Variants in PHKB observed in about 807,000 individuals in gnomAD.
The protein encoded by PHKB is phosphorylase b kinase regulatory subunit beta.
Under a neutral mutation model 152.1 loss-of-function variants are expected in PHKB, and 122 were observed. That is an observed-to-expected ratio of 0.80 (90% CI 0.69 to 0.93). The LOEUF (loss-of-function observed/expected upper bound fraction) is 0.93, where lower values mean the gene tolerates loss of function less well. Among genes scored for constraint, PHKB ranks in the 40% least tolerant of loss-of-function variants. PHKB has a pLI of 0.00. For missense variants in PHKB, 1,304 were observed against 1,328.4 expected, an observed-to-expected ratio of 0.98 and a Z score of 0.29; for synonymous variants, 436 against 464.9, an observed-to-expected ratio of 0.94 and a Z score of 0.80.
At chr16:47,559,631 A>G (rs995537362) in intron 7 of PHKB, among the ~76,000 whole-genome samples, 5 of 152,128 alleles carry the variant, frequency 3.3e-5, no homozygotes, top group Non-Finnish European at 7.3e-5. Context: ...AAGTTTTTCC[A>G]TATAGGCTTC....
In PHKB at chr16:47,507,014, C is replaced by A. The variant is rs186993791; in HGVS notation, c.405+3924C>A. ...TTTGAGACAAGGTCTCTCTGGGTCA[C>A]CCAGGCTTGAATGCAGTGGTGTAAT... is the stretch of plus-strand genomic sequence containing the variant. On this transcript the variant is annotated intron_variant, in intron 4 of 30. Coordinates refer to ENST00000323584, the MANE Select transcript of PHKB (RefSeq NM_000293.3). Among the ~76,000 whole-genome samples the A allele has an allele frequency of 4.1e-3, 631 of 152,226 alleles. 6 individuals are homozygous for A. The highest frequency in any genetic ancestry group is 0.014 in the African/African-American group (602 of 41,518).
At chr16:47,494,956 A>G (rs1165533316) in intron 1 of PHKB, among the ~76,000 whole-genome samples, 1 of 152,198 alleles carries the variant, frequency 6.6e-6, no homozygotes, top group African/African-American at 2.4e-5. Flanking sequence ...AATTTTATGT[A>G]GTTACTTTAG....
chr16:47,641,113 G>A (rs567521668), intron 15 of PHKB, 23 bp downstream of exon 15: 16 of 1,594,924 alleles, frequency 1.0e-5, no homozygotes, highest in Non-Finnish European at 1.3e-5. Context: ...AGTGGGTGGT[G>A]TGTTTTTTTG....
At chr16:47,622,846 A>C (rs950212393) in intron 14 of PHKB, among the ~76,000 whole-genome samples, 1 of 152,232 alleles carries the variant, frequency 6.6e-6, no homozygotes, top group Non-Finnish European at 1.5e-5. Context: ...CATATAGTAC[A>C]CTTGGTCTCT....
In PHKB at chr16:47,543,319, A is replaced by G. The variant is rs185110356; in HGVS notation, c.595-4114A>G. 6.6e-5 allele frequency among the ~76,000 whole-genome samples: 10 copies of G among 152,272 alleles called. No homozygotes were observed. The East Asian group carries it at 1.4e-3, about 21-fold the overall frequency. ...TGGATACGTTTAATGATTCACATGT[A>G]TTGAACCAGCCTTGCATCCCAGGGA... On this transcript the variant is annotated intron_variant, in intron 6 of 30. Transcript: ENST00000323584.
At chr16:47,494,269 A>C (rs1970197482) in intron 1 of PHKB, among the ~76,000 whole-genome samples, 1 of 152,224 alleles carries the variant, frequency 6.6e-6, no homozygotes, top group Non-Finnish European at 1.5e-5. Context: ...ATCTATGTGG[A>C]AGCATAGATA....
chr16:47,543,892 A>T (rs905728981), intron 6 of PHKB, among the ~76,000 whole-genome samples: 1 of 151,982 alleles, frequency 6.6e-6, no homozygotes, highest in Non-Finnish European at 1.5e-5. Flanking sequence ...TCTATTTTTT[A>T]CATCTATGTA....
chr16:47,676,942 C>T (rs1229027662), intron 26 of PHKB, among the ~76,000 whole-genome samples: 1 of 152,242 alleles, frequency 6.6e-6, no homozygotes, highest in Non-Finnish European at 1.5e-5. Context: ...CTCTGCTTTT[C>T]ATACTGCCAG....
chr16:47,543,173 C>CT (rs1971093426), intron 6 of PHKB, among the ~76,000 whole-genome samples: 1 of 152,118 alleles, frequency 6.6e-6, no homozygotes, highest in Non-Finnish European at 1.5e-5. Context: ...GAGATACATT[C>CT]CATCAATACC....
chr16:47,487,428 TA>T (rs1555470435), intron 1 of PHKB, among the ~76,000 whole-genome samples: 5,339 of 144,582 alleles, frequency 0.037, 315 homozygotes, highest in Admixed American at 0.16. Flanking sequence ...TATATATATA[TA>T]TTTTTTTTTT....
intron 7 of PHKB, chr16:47,566,193 T>G (rs1195725845): frequency 3.2e-5 from 23 of 716,740 alleles, no homozygotes; most frequent in Non-Finnish European, 7.6e-6. Flanking sequence ...CCAATACTCA[T>G]CACAATACCA....
intron 14 of PHKB, 78 bp downstream of exon 14, chr16:47,610,998 G>T: frequency 1.1e-6 from 1 of 888,046 alleles, no homozygotes; most frequent in Non-Finnish European, 1.9e-6. Context: ...TTTTTGTTCT[G>T]AATAGGTTTT....
intron 14 of PHKB, among the ~76,000 whole-genome samples, chr16:47,625,693 A>G (rs893966290): frequency 6.6e-6 from 1 of 152,030 alleles, no homozygotes; most frequent in Non-Finnish European, 1.5e-5. Flanking sequence ...CTAATATATT[A>G]CCCTTTACTT....
At chr16:47,547,125 A>C (rs770492360) in intron 6 of PHKB, among the ~76,000 whole-genome samples, 1 of 152,118 alleles carries the variant, frequency 6.6e-6, no homozygotes, top group African/African-American at 2.4e-5. Flanking sequence ...CTGTCCGACT[A>C]TTCCCAATGA....
Position 47,665,356 on chromosome 16 carries a change from A to T in PHKB, c.2427+381A>T, listed in dbSNP as rs370458137. 4.2e-5 allele frequency: 10 copies of T among 239,326 alleles called. No individual in the cohort carries two copies. The East Asian group carries it at 6.8e-4, about 16-fold the overall frequency. The allele number at this position is 239,326 out of a possible 1,614,324, so 14.8% of individuals were successfully genotyped here. ...TAAAAAAAAAAAATCTGTTCTCCCT[A>T]GGTTCTAAGACTTTTTCAGTAATAT... On this transcript the variant is annotated intron_variant, in intron 25 of 30. Transcript: ENST00000323584.
chr16:47,502,911 T>G (rs1156446645), intron 3 of PHKB, 80 bp from the exon 4 acceptor site: 10 of 881,470 alleles, frequency 1.1e-5, no homozygotes, highest in Non-Finnish European at 1.7e-5. Context: ...GCCAGATAGT[T>G]AAATACTTAA....
intron 13 of PHKB, among the ~76,000 whole-genome samples, chr16:47,601,248 T>C (rs531100839): frequency 5.3e-5 from 8 of 152,178 alleles, no homozygotes; most frequent in Non-Finnish European, 1.2e-4. Flanking sequence ...GATGTTTGAA[T>C]TGAAATTTTT....
chr16:47,515,090 T>C (rs1970573672), intron 5 of PHKB, among the ~76,000 whole-genome samples: 1 of 152,218 alleles, frequency 6.6e-6, no homozygotes, highest in Non-Finnish European at 1.5e-5. Context: ...CATTTCCATG[T>C]ATTTGAGATG....
intron 8 of PHKB, 24 bp downstream of exon 8, chr16:47,580,382 C>T (rs1200258646): frequency 6.6e-7 from 1 of 1,526,682 alleles, no homozygotes; most frequent in Non-Finnish European, 9.1e-7. Context: ...CCCCCAGAAT[C>T]TTTGATTATT....
Sources: gnomAD v4.1 joint callset for allele counts (sites outside exome capture counted in the v4.1 genomes callset) on GRCh38, gnomAD v4.1.1 for gene constraint, MANE v1.5 for transcripts, NCBI Gene and HGNC (gene_info 2026-07-23, HGNC 2026-07-21) for gene names.